The following PCDHA13 variants were observed in gnomAD, a reference collection of about 807,000 sequenced individuals.
PCDHA13 encodes the protein protocadherin alpha 13.
In PCDHA13, 54 loss-of-function variants were observed where a neutral mutation model predicts 64.8. The observed-to-expected ratio is 0.83, with a 90% CI of 0.67 to 1.04. The LOEUF is 1.04. PCDHA13 is among the 50% of genes least tolerant of loss of function. The probability of loss-of-function intolerance (pLI) is 0.00; values close to 1 mark genes in which losing one functional copy is unlikely to be tolerated. For missense variants in PCDHA13, 1,248 were observed against 1,254.3 expected (o/e 0.99, Z 0.08); for synonymous variants, 587 against 564.4 (o/e 1.04, Z -0.57).
rs1255699815 is a variant in PCDHA13, at chr5:140,984,173, C to T, written c.2542+1610C>T. On this transcript the variant is annotated intron_variant, in intron 3 of 3. Transcript: ENST00000289272. The stretch of plus-strand genomic sequence containing the variant: ...AGGTGAGAACTTCCCAAAGAAGCCA[C>T]GTGAAATCATGACTTTCTACCTTGC... Among the ~76,000 whole-genome samples, 5 of 152,166 alleles carry T rather than the reference C, an allele frequency of 3.3e-5. No individual in the cohort carries two copies. The South Asian group carries it at 6.2e-4, about 19-fold the overall frequency.
intron 1 of PCDHA13, among the ~76,000 whole-genome samples, chr5:140,964,926 A>G (rs2095863338): frequency 6.6e-6 from 1 of 152,212 alleles, no homozygotes; most frequent in African/African-American, 2.4e-5. Flanking sequence ...CTGGCTAGGT[A>G]GTGGAGCATT....
intron 1 of PCDHA13, among the ~76,000 whole-genome samples, chr5:140,908,736 A>G (rs2074127705): frequency 6.6e-6 from 1 of 152,180 alleles, no homozygotes; most frequent in African/African-American, 2.4e-5. Flanking sequence ...GGCTCGAGAA[A>G]CAGAGCAACT....
intron 1 of PCDHA13, among the ~76,000 whole-genome samples, chr5:140,976,011 CTAAA>C (rs2096695708): frequency 6.6e-6 from 1 of 152,110 alleles, no homozygotes; most frequent in African/African-American, 2.4e-5. Context: ...TATTAAAGAA[CTAAA>C]TAATCACAGT....
At chr5:140,916,688 C>G (rs1422583302) in intron 1 of PCDHA13, among the ~76,000 whole-genome samples, 3 of 152,180 alleles carry the variant, frequency 2.0e-5, no homozygotes, top group Admixed American at 6.5e-5. Flanking sequence ...TTACTCTTTT[C>G]TCTCCTCTCC....
At chr5:140,921,988 A>G (rs1182214376) in intron 1 of PCDHA13, among the ~76,000 whole-genome samples, 1 of 152,132 alleles carries the variant, frequency 6.6e-6, no homozygotes, top group Non-Finnish European at 1.5e-5. Flanking sequence ...ACTAAAAAAG[A>G]GTTCAATGAA....
intron 1 of PCDHA13, chr5:140,929,584 A>T: frequency 2.3e-6 from 1 of 433,584 alleles, no homozygotes; most frequent in Non-Finnish European, 4.1e-6. Context: ...GTAATATGAC[A>T]TAAAGGTCTA....
rs186232239 is a variant in PCDHA13, at chr5:140,924,849, C to T, written c.2394+40187C>T. On this transcript the variant is annotated intron_variant, in intron 1 of 3. Coordinates refer to ENST00000289272, the MANE Select transcript of PCDHA13 (RefSeq NM_018904.3). ...GGGGGAGGTTGCAGGGAGCTCAGAT[C>T]GTGCCACTGCACTCCAGCCTGGGTG... 8.0e-3 allele frequency among the ~76,000 whole-genome samples: 1,208 copies of T among 150,322 alleles called. 6 individuals are homozygous for T. Among genetic ancestry groups the T allele is most frequent in the African/African-American group, 0.019 (780 of 40,670 alleles).
intron 1 of PCDHA13, among the ~76,000 whole-genome samples, chr5:140,956,002 C>T (rs2095246908): frequency 6.6e-6 from 1 of 152,124 alleles, no homozygotes; most frequent in Admixed American, 6.5e-5. Context: ...GATTTTGTAT[C>T]CTGAGACTTT....
chr5:140,892,172 G>A (rs2063414943), intron 1 of PCDHA13, among the ~76,000 whole-genome samples: 1 of 152,100 alleles, frequency 6.6e-6, no homozygotes, highest in African/African-American at 2.4e-5. Flanking sequence ...CAGTAACTGG[G>A]ATCCTCATGG....
At chr5:140,927,688 G>C in intron 1 of PCDHA13, 1 of 1,614,062 alleles carries the variant, frequency 6.2e-7, no homozygotes, top group Non-Finnish European at 8.5e-7. Context: ...AGGGTCCAAT[G>C]GGGAAGTCCA....
At chr5:140,887,955 CT>C (rs2061644555) in intron 1 of PCDHA13, among the ~76,000 whole-genome samples, 1 of 152,088 alleles carries the variant, frequency 6.6e-6, no homozygotes, top group Non-Finnish European at 1.5e-5. Flanking sequence ...GTATAAGATT[CT>C]TTTTGTCTCT....
At chr5:140,909,169 A>G (rs545864609) in intron 1 of PCDHA13, among the ~76,000 whole-genome samples, 1 of 152,356 alleles carries the variant, frequency 6.6e-6, no homozygotes, top group African/African-American at 2.4e-5. Context: ...AAATCAATCA[A>G]GTTCTCTCCA....
intron 1 of PCDHA13, among the ~76,000 whole-genome samples, chr5:140,937,756 C>CA (rs2091723973): frequency 1.3e-5 from 2 of 151,360 alleles, no homozygotes; most frequent in African/African-American, 4.9e-5. Flanking sequence ...ACTAAAAATA[C>CA]AAAAAATTAG....
intron 3 of PCDHA13, among the ~76,000 whole-genome samples, chr5:140,992,504 C>T (rs2097516189): frequency 6.6e-6 from 1 of 152,174 alleles, no homozygotes; most frequent in African/African-American, 2.4e-5. Context: ...GGATTCAATC[C>T]TGGGGCATGG....
chr5:140,919,607 A>T (rs1357882512), intron 1 of PCDHA13, among the ~76,000 whole-genome samples: 1 of 152,158 alleles, frequency 6.6e-6, no homozygotes. Context: ...ATAAATTTTA[A>T]ACTGTATCTT....
chr5:140,990,611 G>T lies in PCDHA13; in HGVS notation c.2542+8048G>T, dbSNP rs577900189. ...AATCACCTGGAGTCAGATGAATACCGTAAAGGTCTGTGGTAAGACTAGAAG... is the reference window on the plus strand; with the variant it reads ...AATCACCTGGAGTCAGATGAATACCTTAAAGGTCTGTGGTAAGACTAGAAG... On this transcript the variant is annotated intron_variant, in intron 3 of 3. Transcript: ENST00000289272. 5.3e-5 allele frequency among the ~76,000 whole-genome samples: 8 copies of T among 152,230 alleles called. No homozygotes were observed. In the East Asian group the frequency reaches 9.6e-4, roughly 18 times the overall value.
rs1340141507 is a variant in PCDHA13, at chr5:140,939,833, CTTG to C, written c.2395-39108_2395-39106del. 2.6e-5 allele frequency among the ~76,000 whole-genome samples: 4 copies of C among 152,224 alleles called. No individual in the cohort carries two copies. The East Asian group carries it at 7.7e-4, about 29-fold the overall frequency. ...AAGAAAAAGCAGTATTCTGACATTG[CTTG>C]TTGTTGTGTTCTGTATATGTCCATT... On this transcript the variant is annotated intron_variant, in intron 1 of 3. Transcript: ENST00000289272.
chr5:140,996,311 G>C lies in PCDHA13; in HGVS notation c.2543-13316G>C, dbSNP rs191577867. On this transcript the variant is annotated intron_variant, in intron 3 of 3. Coordinates refer to ENST00000289272, the MANE Select transcript of PCDHA13 (RefSeq NM_018904.3). ...GAAGCACAGATTGTAACAAAGTAAG[G>C]GGGGAGGGTAGAGAAGAAAAGTTTG... is the stretch of plus-strand genomic sequence containing the variant. 9.0e-4 allele frequency among the ~76,000 whole-genome samples: 137 copies of C among 152,302 alleles called. 1 individual carries two copies. The highest frequency in any genetic ancestry group is 2.8e-3 in the African/African-American group (118 of 41,574).
In PCDHA13 at chr5:140,937,196, C is replaced by G. The variant is rs915023517; in HGVS notation, c.2395-41753C>G. On this transcript the variant is annotated intron_variant, in intron 1 of 3. Transcript: ENST00000289272. ...GGGACTACAGGCGCCCGCCACCATG[C>G]CCGGCTAATTTTTTGTATTTTTTGT... Among the ~76,000 whole-genome samples, 5 of 152,108 alleles carry G rather than the reference C, an allele frequency of 3.3e-5. No homozygotes were observed. In the East Asian group the frequency reaches 7.8e-4, roughly 24 times the overall value.
Sources: gnomAD v4.1 joint callset for allele counts (sites outside exome capture counted in the v4.1 genomes callset) on GRCh38, gnomAD v4.1.1 for gene constraint, MANE v1.5 for transcripts, NCBI Gene and HGNC (gene_info 2026-07-23, HGNC 2026-07-21) for gene names.